The following ADAMTS18 variants were observed in gnomAD, a reference collection of about 807,000 sequenced individuals.
ADAMTS18 encodes the protein ADAM metallopeptidase with thrombospondin type 1 motif 18, also known as A disintegrin and metalloproteinase with thrombospondin motifs 18.
ADAMTS18 carries 157 observed loss-of-function variants against 165.9 expected under a neutral mutation model. The ratio of observed to expected loss-of-function variants is 0.95; its 90% CI spans 0.83 to 1.08. ADAMTS18 has a LOEUF of 1.08. ADAMTS18 is among the 50% of genes least tolerant of loss of function. ADAMTS18 has a pLI of 0.00. For synonymous variants in ADAMTS18, 782 were observed against 578.2 expected (o/e 1.35, Z -5.06); for missense variants, 2,040 against 1,534.0 (o/e 1.33, Z -5.51).
chr16:77,401,453 G>C (rs1457739554), intron 3 of ADAMTS18, among the ~76,000 whole-genome samples: 2 of 152,182 alleles, frequency 1.3e-5, no homozygotes, highest in African/African-American at 4.8e-5. Flanking sequence ...TAGAAAGGAA[G>C]GCACAGAACA....
chr16:77,331,139 G>A (rs1234966988), intron 12 of ADAMTS18, among the ~76,000 whole-genome samples: 1 of 152,040 alleles, frequency 6.6e-6, no homozygotes, highest in East Asian at 1.9e-4. Flanking sequence ...TATTCTATTA[G>A]GCATCTCTAA....
chr16:77,420,946 T>G (rs1236332511), intron 3 of ADAMTS18, among the ~76,000 whole-genome samples: 4 of 152,214 alleles, frequency 2.6e-5, no homozygotes, highest in Admixed American at 2.0e-4. Flanking sequence ...TAAAAAGTAC[T>G]CTGTTATAGC....
rs529805588 is a variant in ADAMTS18, at chr16:77,399,225, T to G, written c.496-31502A>C. ...GCTGTGCACATTGCTGTCTTTGGTC[T>G]GAAACTGTTAACTGATAGGTAGTAA... On this transcript the variant is annotated intron_variant, in intron 3 of 22. Coordinates refer to ENST00000282849, the MANE Select transcript of ADAMTS18 (RefSeq NM_199355.4). 7.2e-5 allele frequency among the ~76,000 whole-genome samples: 11 copies of G among 152,278 alleles called. No homozygotes were observed. In the South Asian group the frequency reaches 2.1e-3, roughly 29 times the overall value.
At chr16:77,411,617 G>A (rs936002076) in intron 3 of ADAMTS18, among the ~76,000 whole-genome samples, 1 of 149,758 alleles carries the variant, frequency 6.7e-6, no homozygotes, top group South Asian at 2.1e-4. Context: ...ATTGAATGGT[G>A]AAAAGGCCTT....
chr16:77,430,149 AAAACAAACAAACAAAC>A (rs35091044), intron 3 of ADAMTS18, among the ~76,000 whole-genome samples: 2 of 143,376 alleles, frequency 1.4e-5, no homozygotes, highest in African/African-American at 2.5e-5. Context: ...GTGCCACAAC[AAAACAAACAAACAAAC>A]AAACAAACAA....
chr16:77,380,522 T>G (rs1379280495), intron 3 of ADAMTS18, among the ~76,000 whole-genome samples: 1 of 152,216 alleles, frequency 6.6e-6, no homozygotes, highest in Non-Finnish European at 1.5e-5. Flanking sequence ...AGTATGTACC[T>G]CTAAGAAACT....
intron 3 of ADAMTS18, among the ~76,000 whole-genome samples, chr16:77,402,098 G>GCTAA (rs2057339203): frequency 6.6e-6 from 1 of 152,160 alleles, no homozygotes; most frequent in Non-Finnish European, 1.5e-5. Flanking sequence ...AAGTTCCCTA[G>GCTAA]CTACCTACCT....
intron 12 of ADAMTS18, among the ~76,000 whole-genome samples, chr16:77,335,394 T>G (rs1050139899): frequency 1.3e-5 from 2 of 151,792 alleles, no homozygotes; most frequent in Admixed American, 1.3e-4. Context: ...AAAATATAGT[T>G]AGAATGAGTA....
intron 4 of ADAMTS18, 108 bp downstream of exon 4, chr16:77,367,333 C>G: frequency 1.6e-6 from 2 of 1,256,018 alleles, no homozygotes; most frequent in Non-Finnish European, 2.3e-6. Flanking sequence ...AAGACAGATG[C>G]TCAGGGTAGC....
At chr16:77,285,494 C>G (rs1181173823) in intron 22 of ADAMTS18, among the ~76,000 whole-genome samples, 1 of 152,118 alleles carries the variant, frequency 6.6e-6, no homozygotes, top group Non-Finnish European at 1.5e-5. Context: ...TTTTAAGGCA[C>G]AGTTTTGACT....
intron 4 of ADAMTS18, 62 bp downstream of exon 4, chr16:77,367,379 C>T (rs1305406888): frequency 1.1e-5 from 18 of 1,602,358 alleles, no homozygotes; most frequent in Middle Eastern, 2.1e-4. Flanking sequence ...CACCCAACAG[C>T]ACTCAGGAAA....
At chr16:77,287,997 T>C (rs2055288413) in intron 22 of ADAMTS18, among the ~76,000 whole-genome samples, 1 of 152,194 alleles carries the variant, frequency 6.6e-6, no homozygotes, top group South Asian at 2.1e-4. Context: ...GACTTGGCTT[T>C]GAACAAGATC....
rs144475847 is a variant in ADAMTS18 at position 77,314,414 on chromosome 16, C to T, written c.2532+5435G>A. 2.2e-3 allele frequency among the ~76,000 whole-genome samples: 337 copies of T among 151,802 alleles called. 2 individuals carry two copies. Among genetic ancestry groups the T allele is most frequent in the East Asian group, 0.017 (87 of 5,136 alleles). ...CTTGAGGTCAGGAGTTCCAGACCAG[C>T]GTGACCAACATGGTGAAACCCCATC... On this transcript the variant is annotated intron_variant, in intron 16 of 22. Coordinates refer to ENST00000282849, the MANE Select transcript of ADAMTS18 (RefSeq NM_199355.4).
chr16:77,428,524 T>A lies in ADAMTS18; in HGVS notation c.495+2771A>T, dbSNP rs550403371. Among the ~76,000 whole-genome samples the A allele has an allele frequency of 3.9e-5, 6 of 152,210 alleles. No homozygotes were observed. In the East Asian group the frequency reaches 1.2e-3, roughly 29 times the overall value. On this transcript the variant is annotated intron_variant, in intron 3 of 22. Coordinates refer to ENST00000282849, the MANE Select transcript of ADAMTS18 (RefSeq NM_199355.4). ...AGCTAAAATGGAAAAATAGGCAATA[T>A]CAAGTCTTCAGGAGGATTTGGAGCA...
At chr16:77,430,186 T>C (rs2057721927) in intron 3 of ADAMTS18, among the ~76,000 whole-genome samples, 1 of 150,040 alleles carries the variant, frequency 6.7e-6, no homozygotes, top group Non-Finnish European at 1.5e-5. Context: ...AAAAACAAGA[T>C]ATAGTCATGT....
At chr16:77,388,573 T>C (rs1007746122) in intron 3 of ADAMTS18, among the ~76,000 whole-genome samples, 1 of 152,210 alleles carries the variant, frequency 6.6e-6, no homozygotes, top group African/African-American at 2.4e-5. Context: ...CCTCAGTTTA[T>C]TGAACACAGA....
intron 10 of ADAMTS18, among the ~76,000 whole-genome samples, chr16:77,350,925 G>A (rs1393035484): frequency 6.6e-6 from 1 of 151,850 alleles, no homozygotes; most frequent in Non-Finnish European, 1.5e-5. Context: ...TTTCTAGGAG[G>A]CATGGAGGAA....
intron 18 of ADAMTS18, among the ~76,000 whole-genome samples, chr16:77,295,328 C>T (rs2055448371): frequency 6.6e-6 from 1 of 152,164 alleles, no homozygotes; most frequent in Admixed American, 6.5e-5. Flanking sequence ...ATTTAATCAT[C>T]CCACAGTTCT....
chr16:77,386,684 A>G (rs748566052), intron 3 of ADAMTS18, among the ~76,000 whole-genome samples: 1 of 152,190 alleles, frequency 6.6e-6, no homozygotes, highest in South Asian at 2.1e-4. Context: ...TTTCTTATGC[A>G]AAAGTCATAT....
Sources: gnomAD v4.1 joint callset for allele counts (sites outside exome capture counted in the v4.1 genomes callset) on GRCh38, gnomAD v4.1.1 for gene constraint, MANE v1.5 for transcripts, NCBI Gene and HGNC (gene_info 2026-07-23, HGNC 2026-07-21) for gene names.